Variants in NCAM2 observed in about 807,000 individuals in gnomAD.
The protein encoded by NCAM2 is N-CAM-2.
A neutral mutation model predicts 98.1 loss-of-function variants in NCAM2; 30 were observed. That is an observed-to-expected ratio of 0.31 (90% CI 0.23 to 0.41). NCAM2 has a LOEUF of 0.41. Ranked by LOEUF, NCAM2 falls within the 10% of genes least tolerant of loss-of-function variation. The pLI, the probability that NCAM2 is intolerant of heterozygous loss-of-function variation, is 1.00. For missense variants in NCAM2, 867 were observed against 1,005.8 expected, an observed-to-expected ratio of 0.86 and a Z score of 1.87; for synonymous variants, 368 against 342.4, an observed-to-expected ratio of 1.07 and a Z score of -0.83.
chr21:21,136,307 C>G (rs941010204), intron 1 of NCAM2, among the ~76,000 whole-genome samples: 2 of 152,152 alleles, frequency 1.3e-5, no homozygotes, highest in African/African-American at 4.8e-5. Context: ...AAGGGGAATA[C>G]GATTCAGCCA....
At chr21:21,532,906 C>T (rs1398372885) in intron 16 of NCAM2, among the ~76,000 whole-genome samples, 2 of 152,020 alleles carry the variant, frequency 1.3e-5, no homozygotes, top group Admixed American at 1.3e-4. Flanking sequence ...CTGTGTGAAT[C>T]ACTGTCTCTT....
intron 9 of NCAM2, among the ~76,000 whole-genome samples, chr21:21,396,355 A>G (rs2076506520): frequency 6.6e-6 from 1 of 152,212 alleles, no homozygotes; most frequent in Non-Finnish European, 1.5e-5. Context: ...ATAAAAATAC[A>G]ATAGTGTTAG....
At chr21:21,075,923 T>G (rs532554762) in intron 1 of NCAM2, among the ~76,000 whole-genome samples, 11 of 151,840 alleles carry the variant, frequency 7.2e-5, no homozygotes, top group Non-Finnish European at 1.6e-4. Flanking sequence ...TCAAGAACAG[T>G]TTGGCCAACA....
At chr21:21,280,983 G>A (rs185221620) in intron 2 of NCAM2, among the ~76,000 whole-genome samples, 5 of 152,058 alleles carry the variant, frequency 3.3e-5, no homozygotes, top group Admixed American at 3.3e-4. Flanking sequence ...TAGAGACGGG[G>A]TTTCACCATG....
intron 1 of NCAM2, among the ~76,000 whole-genome samples, chr21:21,020,715 C>T (rs1405511496): frequency 2.0e-5 from 3 of 152,164 alleles, no homozygotes; most frequent in Non-Finnish European, 4.4e-5. Flanking sequence ...TAGTGATACC[C>T]CCAGCTAGTT....
intron 16 of NCAM2, among the ~76,000 whole-genome samples, chr21:21,524,155 T>C (rs1003024905): frequency 1.3e-5 from 2 of 152,102 alleles, no homozygotes; most frequent in Non-Finnish European, 2.9e-5. Flanking sequence ...GAAATATTGA[T>C]GCCAGATGCA....
At chr21:21,006,856 G>A (rs1278930595) in intron 1 of NCAM2, among the ~76,000 whole-genome samples, 1 of 152,112 alleles carries the variant, frequency 6.6e-6, no homozygotes, top group Non-Finnish European at 1.5e-5. Context: ...ATCATAGTTT[G>A]CATTTTAAAG....
At chr21:21,007,971 C>T (rs188533510) in intron 1 of NCAM2, among the ~76,000 whole-genome samples, 7 of 152,278 alleles carry the variant, frequency 4.6e-5, no homozygotes, top group Non-Finnish European at 8.8e-5. Flanking sequence ...TATATCCATT[C>T]TCTCACTTAA....
At chr21:21,316,258 G>T (rs1255613778) in intron 5 of NCAM2, among the ~76,000 whole-genome samples, 1 of 151,986 alleles carries the variant, frequency 6.6e-6, no homozygotes, top group East Asian at 1.9e-4. Context: ...TACAAAATTT[G>T]TTATTTTATT....
chr21:21,030,447 C>T (rs755481026), intron 1 of NCAM2, among the ~76,000 whole-genome samples: 3 of 152,148 alleles, frequency 2.0e-5, no homozygotes, highest in South Asian at 2.1e-4. Context: ...TCTGTCATCA[C>T]GTCTTCATCT....
intron 11 of NCAM2, among the ~76,000 whole-genome samples, chr21:21,419,389 T>G (rs1393837538): frequency 1.3e-5 from 2 of 151,028 alleles, no homozygotes; most frequent in African/African-American, 2.4e-5. Context: ...CTTTAAGTTT[T>G]AGGGTACATG....
chr21:21,534,547 T>A lies in NCAM2; in HGVS notation c.2293T>A (p.Ser765Thr). The A allele has an allele frequency of 6.3e-7, 1 of 1,592,428 alleles. No homozygotes were observed. The highest frequency in any genetic ancestry group is 8.6e-7 in the Non-Finnish European group (1 of 1,167,824). The stretch of plus-strand genomic sequence containing the variant: ...TCTTTATGTTTCTAGGAAAGATGGA[T>A]CAAAAGAACCAATAGTGGAGATGAG... ...EGKAAYLKDGSKEPIVEMRTE... is the reference protein window; with the variant it reads ...EGKAAYLKDGTKEPIVEMRTE... The change falls in exon 17 of 18, where the codon TCA (serine) becomes ACA (threonine). Residue 765 changes from serine (S) to threonine (T), a missense_variant. By Grantham distance (58) the Ser-to-Thr change is moderately conservative. Transcript: ENST00000400546.
chr21:21,512,599 C>T (rs1020996617), intron 16 of NCAM2, among the ~76,000 whole-genome samples: 1 of 151,740 alleles, frequency 6.6e-6, no homozygotes, highest in Admixed American at 6.6e-5. Context: ...ATACATTTTA[C>T]GATCTTTTTT....
chr21:21,238,462 A>G (rs1188425891), intron 1 of NCAM2, among the ~76,000 whole-genome samples: 1 of 152,218 alleles, frequency 6.6e-6, no homozygotes, highest in Non-Finnish European at 1.5e-5. Flanking sequence ...TATTCTGAAC[A>G]TGGAAATTAC....
intron 8 of NCAM2, among the ~76,000 whole-genome samples, chr21:21,342,233 T>G (rs1393160739): frequency 6.6e-6 from 1 of 152,182 alleles, no homozygotes; most frequent in Non-Finnish European, 1.5e-5. Context: ...GCATAGTAAA[T>G]GACCCCATAA....
intron 8 of NCAM2, among the ~76,000 whole-genome samples, chr21:21,347,603 A>T (rs2075224414): frequency 6.6e-6 from 1 of 152,082 alleles, no homozygotes; most frequent in Admixed American, 6.6e-5. Context: ...AGTCCTACTC[A>T]AACTAATTCA....
intron 1 of NCAM2, among the ~76,000 whole-genome samples, chr21:21,232,966 A>G (rs1336019983): frequency 6.6e-6 from 1 of 151,630 alleles, no homozygotes. Context: ...CTATATTTCT[A>G]CTTTTCCTTT....
intron 1 of NCAM2, among the ~76,000 whole-genome samples, chr21:21,128,446 C>G (rs1190485104): frequency 5.9e-5 from 9 of 152,080 alleles, no homozygotes; most frequent in Admixed American, 5.9e-4. Context: ...ATGTAGTGAA[C>G]TCTGCATTTT....
intron 1 of NCAM2, among the ~76,000 whole-genome samples, chr21:21,275,332 C>A (rs1490632290): frequency 1.3e-5 from 2 of 151,666 alleles, no homozygotes; most frequent in Non-Finnish European, 2.9e-5. Context: ...CCCAGCTACT[C>A]TGGAGGCTGA....
Sources: allele counts gnomAD v4.1 joint callset (sites outside exome capture counted in the v4.1 genomes callset), GRCh38; gene constraint gnomAD v4.1.1; transcripts MANE v1.5; gene names NCBI Gene and HGNC (gene_info 2026-07-23, HGNC 2026-07-21).